KCNQ1: variants seen among roughly 807,000 people sequenced by gnomAD.
KCNQ1 encodes the protein potassium voltage-gated channel subfamily KQT member 1.
Under a neutral mutation model 72.4 loss-of-function variants are expected in KCNQ1, and 49 were observed. The observed-to-expected ratio is 0.68, with a 90% CI of 0.54 to 0.86. The LOEUF is 0.86. Among genes scored for constraint, KCNQ1 ranks in the 40% least tolerant of loss-of-function variants. The probability of loss-of-function intolerance (pLI) is 0.00; values close to 1 mark genes in which losing one functional copy is unlikely to be tolerated. For synonymous variants in KCNQ1, 450 were observed against 412.6 expected, an observed-to-expected ratio of 1.09 and a Z score of -1.10; for missense variants, 790 against 945.1, an observed-to-expected ratio of 0.84 and a Z score of 2.15.
intron 11 of KCNQ1, among the ~76,000 whole-genome samples, chr11:2,741,913 T>A (rs1846058678): frequency 6.6e-6 from 1 of 152,194 alleles, no homozygotes; most frequent in Non-Finnish European, 1.5e-5. Flanking sequence ...GGTCACCATC[T>A]GCAGAAGCCC....
chr11:2,526,886 G>A lies in KCNQ1; in HGVS notation c.387-1042G>A, dbSNP rs113194480. Among the ~76,000 whole-genome samples the A allele has an allele frequency of 1.2e-3, 177 of 152,200 alleles. 1 individual carries two copies. Among genetic ancestry groups the A allele is most frequent in the African/African-American group, 4.2e-3 (174 of 41,512 alleles). On this transcript the variant is annotated intron_variant, in intron 1 of 15. Transcript: ENST00000155840. The surrounding 1 kb of genome is among the most constrained non-coding windows in gnomAD (Gnocchi z 6.1). Reference sequence around the variant, plus strand: ...AGAGGATCTATGCCGGGGCCCCCAGGGTCTGTGTGTGGCTTTCTCTGTTTG... The same window carrying A: ...AGAGGATCTATGCCGGGGCCCCCAGAGTCTGTGTGTGGCTTTCTCTGTTTG...
At chr11:2,622,659 A>T (rs1407449566) in intron 10 of KCNQ1, 2 of 398,370 alleles carry the variant, frequency 5.0e-6, no homozygotes, top group Non-Finnish European at 8.8e-6. Context: ...TGATTTTCTG[A>T]TAGTGTACCA....
rs1849208841 is a variant in KCNQ1, at chr11:2,623,497, T to C, written c.1393+34643T>C. ...CTCCATAGCATTGCCTTTTCTAAAA[T>C]GCAATATGATTGGAATCATACAGTA... is the stretch of plus-strand genomic sequence containing the variant. On this transcript the variant is annotated intron_variant, in intron 10 of 15. Coordinates refer to ENST00000155840, the MANE Select transcript of KCNQ1 (RefSeq NM_000218.3). The surrounding 1 kb of genome is among the most constrained non-coding windows in gnomAD (Gnocchi z 5.2). 1 of 398,502 alleles carries C rather than the reference T, an allele frequency of 2.5e-6. No individual in the cohort carries two copies. Among genetic ancestry groups the C allele is most frequent in the Non-Finnish European group, 4.4e-6 (1 of 226,068 alleles). 24.7% of individuals were successfully genotyped at this position (398,502 alleles called of 1,614,324 possible).
chr11:2,567,089 C>T lies in KCNQ1; in HGVS notation c.478-3539C>T, dbSNP rs537956757. ...ACGGGAGGCTCTGGGGGAGACTGGG[C>T]GGTGAGCCCCTGGGAAGGAGGCCTC... On this transcript the variant is annotated intron_variant, in intron 2 of 15. Transcript: ENST00000155840. The surrounding 1 kb of genome is among the most constrained non-coding windows in gnomAD (Gnocchi z 6.6). 3.5e-4 allele frequency among the ~76,000 whole-genome samples: 53 copies of T among 152,048 alleles called. No homozygotes were observed. Among genetic ancestry groups the T allele is most frequent in the Non-Finnish European group, 1.2e-4 (8 of 67,928 alleles).
chr11:2,533,410 G>T (rs1847674359), intron 2 of KCNQ1, among the ~76,000 whole-genome samples: 2 of 152,222 alleles, frequency 1.3e-5, no homozygotes, highest in South Asian at 4.1e-4. Context: ...GCCTCCCAGG[G>T]AGGAGAGCCA....
At position 2,549,015 on chromosome 11, in the gene KCNQ1, C is replaced by T. The variant is rs1157647234; in HGVS notation, c.477+20997C>T. On this transcript the variant is annotated intron_variant, in intron 2 of 15. Transcript: ENST00000155840. This position sits in a 1 kb window ranked among gnomAD's most constrained non-coding sequence, Gnocchi z 6.2. ...GGATGTTTGGTGACAGGTGCTGGGG[C>T]CCGGACACGACCTGGTTTCTTCATC... Among the ~76,000 whole-genome samples, 6 of 152,144 alleles carry T rather than the reference C, an allele frequency of 3.9e-5. No individual in the cohort carries two copies. Among genetic ancestry groups the T allele is most frequent in the Admixed American group, 3.9e-4 (6 of 15,282 alleles).
At position 2,579,287 on chromosome 11, in the gene KCNQ1, G is replaced by A. The variant is rs369549850; in HGVS notation, c.922-4148G>A. 1.3e-5 allele frequency among the ~76,000 whole-genome samples: 2 copies of A among 152,124 alleles called. No homozygotes were observed. Among genetic ancestry groups the A allele is most frequent in the African/African-American group, 2.4e-5 (1 of 41,442 alleles). On this transcript the variant is annotated intron_variant, in intron 6 of 15. Coordinates refer to ENST00000155840, the MANE Select transcript of KCNQ1 (RefSeq NM_000218.3). This position sits in a 1 kb window ranked among gnomAD's most constrained non-coding sequence, Gnocchi z 6.0. ...GACTAGAAGGCTCCCCATGCCTCCC[G>A]CCCCTTCACATGGGAGTGAAGGCAC...
At chr11:2,580,736 C>A (rs1188165409) in intron 6 of KCNQ1, among the ~76,000 whole-genome samples, 6 of 152,226 alleles carry the variant, frequency 3.9e-5, no homozygotes, top group South Asian at 2.1e-4. Context: ...TCATACCTGA[C>A]CCCCACCTTG....
At chr11:2,788,758 G>A (rs567009189) in intron 15 of KCNQ1, among the ~76,000 whole-genome samples, 6 of 152,306 alleles carry the variant, frequency 3.9e-5, no homozygotes, top group Admixed American at 2.0e-4. Flanking sequence ...GGATGGCGGA[G>A]TCCGGAGGGG....
chr11:2,478,150 T>C lies in KCNQ1; in HGVS notation c.386+32666T>C, dbSNP rs1165412854. ...CTGCCAAAGACACAGCTGTCCAGGGTCGAATCATCCGGAGACACAGGGCAA... is the reference window on the plus strand; with the variant it reads ...CTGCCAAAGACACAGCTGTCCAGGGCCGAATCATCCGGAGACACAGGGCAA... On this transcript the variant is annotated intron_variant, in intron 1 of 15. Transcript: ENST00000155840. The surrounding 1 kb of genome is among the most constrained non-coding windows in gnomAD (Gnocchi z 4.0). Among the ~76,000 whole-genome samples the C allele has an allele frequency of 6.6e-6, 1 of 151,894 alleles. No individual in the cohort carries two copies. Among genetic ancestry groups the C allele is most frequent in the Non-Finnish European group, 1.5e-5 (1 of 68,006 alleles).
Position 2,627,373 on chromosome 11 carries a change from A to C in KCNQ1, c.1394-34588A>C, listed in dbSNP as rs540147552. Reference sequence around the variant, plus strand: ...CAAATTCCAAGTATAGAATATATTAACTATAGTCACCAATCTGGACGTTAT... The same window carrying C: ...CAAATTCCAAGTATAGAATATATTACCTATAGTCACCAATCTGGACGTTAT... On this transcript the variant is annotated intron_variant, in intron 10 of 15. Coordinates refer to ENST00000155840, the MANE Select transcript of KCNQ1 (RefSeq NM_000218.3). This position sits in a 1 kb window ranked among gnomAD's most constrained non-coding sequence, Gnocchi z 4.9. 5.0e-6 allele frequency: 2 copies of C among 398,512 alleles called. No homozygotes were observed. The highest frequency in any genetic ancestry group is 8.8e-5 in the Admixed American group (2 of 22,724). 24.7% of individuals were successfully genotyped at this position (398,512 alleles called of 1,614,324 possible). A position where few individuals can be genotyped will look rare whatever the true frequency, so the allele number is the denominator to read the frequency against.
intron 15 of KCNQ1, among the ~76,000 whole-genome samples, chr11:2,810,144 T>A (rs1005125961): frequency 6.6e-6 from 1 of 152,246 alleles, no homozygotes; most frequent in African/African-American, 2.4e-5. Context: ...TTCAGAAGTC[T>A]TATACTTGCT....
At chr11:2,765,191 C>G (rs1393181116) in intron 11 of KCNQ1, among the ~76,000 whole-genome samples, 1 of 152,102 alleles carries the variant, frequency 6.6e-6, no homozygotes, top group Non-Finnish European at 1.5e-5. Flanking sequence ...ATTTTAATAC[C>G]TTACATTTTT....
chr11:2,503,659 G>A (rs1049391611), intron 1 of KCNQ1, among the ~76,000 whole-genome samples: 2 of 151,906 alleles, frequency 1.3e-5, no homozygotes, highest in African/African-American at 4.8e-5. Context: ...CCTGCACATT[G>A]TGCACATGTA....
At chr11:2,693,957 T>C in intron 11 of KCNQ1, 1 of 398,726 alleles carries the variant, frequency 2.5e-6, no homozygotes, top group Non-Finnish European at 4.4e-6. Context: ...TTCATCAGTC[T>C]GCACTAACTG....
intron 11 of KCNQ1, among the ~76,000 whole-genome samples, chr11:2,708,488 GC>G (rs1850948799): frequency 6.6e-6 from 1 of 152,190 alleles, no homozygotes; most frequent in Non-Finnish European, 1.5e-5. Flanking sequence ...TGGAGGTGGA[GC>G]CCAGGCTTAT....
rs1036717269 is a variant in KCNQ1, at chr11:2,564,183, A to G, written c.478-6445A>G. Reference sequence around the variant, plus strand: ...TTTGGTGGCATTTAGTATGTTCACAAGGCGGTTCAGCCAACACCTGTCTCC... The same window carrying G: ...TTTGGTGGCATTTAGTATGTTCACAGGGCGGTTCAGCCAACACCTGTCTCC... On this transcript the variant is annotated intron_variant, in intron 2 of 15. Transcript: ENST00000155840. The surrounding 1 kb of genome is among the most constrained non-coding windows in gnomAD (Gnocchi z 4.5). 1.3e-5 allele frequency among the ~76,000 whole-genome samples: 2 copies of G among 152,268 alleles called. No homozygotes were observed. Among genetic ancestry groups the G allele is most frequent in the Non-Finnish European group, 2.9e-5 (2 of 68,048 alleles).
intron 11 of KCNQ1, chr11:2,662,805 G>T: frequency 2.5e-6 from 1 of 398,998 alleles, no homozygotes; most frequent in South Asian, 1.3e-4. Flanking sequence ...CAAGATCTGT[G>T]AGTGACACTC....
rs1848254239 is a variant in KCNQ1, at chr11:2,566,774, G to T, written c.478-3854G>T. Among the ~76,000 whole-genome samples, 1 of 152,146 alleles carries T rather than the reference G, an allele frequency of 6.6e-6. No homozygotes were observed. Among genetic ancestry groups the T allele is most frequent in the Non-Finnish European group, 1.5e-5 (1 of 68,016 alleles). ...ATCCTTGACCCCGGGGGGCTTGCAG[G>T]CACCACATAGATCTTGTGAGAGGCG... On this transcript the variant is annotated intron_variant, in intron 2 of 15. Transcript: ENST00000155840. The surrounding 1 kb of genome is among the most constrained non-coding windows in gnomAD (Gnocchi z 6.7).
Sources: allele counts gnomAD v4.1 joint callset (sites outside exome capture counted in the v4.1 genomes callset), GRCh38; gene constraint gnomAD v4.1.1; non-coding constraint Gnocchi (gnomAD v3.1); transcripts MANE v1.5; gene names NCBI Gene and HGNC (gene_info 2026-07-23, HGNC 2026-07-21).